Variants in TSNARE1 observed in about 807,000 individuals in gnomAD.
TSNARE1 encodes t-SNARE domain-containing protein 1.
TSNARE1 carries 49 observed loss-of-function variants against 62.0 expected under a neutral mutation model. The observed-to-expected ratio is 0.79, with a 90% confidence interval of 0.63 to 1.00. The LOEUF (loss-of-function observed/expected upper bound fraction) is 1.00. Among genes scored for constraint, TSNARE1 ranks in the 50% least tolerant of loss-of-function variants. The pLI, the probability that TSNARE1 is intolerant of heterozygous loss-of-function variation, is 0.00. For synonymous variants in TSNARE1, 328 were observed against 294.4 expected, an observed-to-expected ratio of 1.11 and a Z score of -1.17; for missense variants, 755 against 700.1, an observed-to-expected ratio of 1.08 and a Z score of -0.88.
At chr8:142,282,854 T>A (rs1266611160) in intron 11 of TSNARE1, among the ~76,000 whole-genome samples, 2 of 135,792 alleles carry the variant, frequency 1.5e-5, no homozygotes, top group South Asian at 2.5e-4. Flanking sequence ...GGCCAGTGTC[T>A]ATCAATGAGC....
chr8:142,312,983 T>C (rs148058682), intron 9 of TSNARE1, among the ~76,000 whole-genome samples: 68 of 152,362 alleles, frequency 4.5e-4, no homozygotes, highest in East Asian at 1.9e-4. Flanking sequence ...TGGATCCATG[T>C]GTGTCTGCAT....
intron 13 of TSNARE1, among the ~76,000 whole-genome samples, chr8:142,213,239 C>G (rs1009948092): frequency 4.8e-5 from 5 of 104,172 alleles, no homozygotes; most frequent in Admixed American, 1.1e-4. Flanking sequence ...CCGACTCTGC[C>G]CTCCCTCCCC....
intron 1 of TSNARE1, among the ~76,000 whole-genome samples, chr8:142,392,547 AT>A (rs1837605695): frequency 6.6e-6 from 1 of 152,090 alleles, no homozygotes; most frequent in South Asian, 2.1e-4. Flanking sequence ...GGTGACGGGA[AT>A]TTTTCGGCGC....
At position 142,287,095 on chromosome 8, in the gene TSNARE1, G is replaced by A. The variant is rs113457242; in HGVS notation, c.1291-2610C>T. On this transcript the variant is annotated intron_variant, in intron 10 of 13. Transcript: ENST00000524325. Reference sequence around the variant, plus strand: ...CCCAGGTCACTACCACCATCAACGCGGGGTGGCACCCAAGGCCACCCTCCA... The same window carrying A: ...CCCAGGTCACTACCACCATCAACGCAGGGTGGCACCCAAGGCCACCCTCCA... 9.3e-3 allele frequency among the ~76,000 whole-genome samples: 1,410 copies of A among 152,278 alleles called. 21 individuals carry two copies. The highest frequency in any genetic ancestry group is 0.015 in the Non-Finnish European group (1,029 of 67,998).
intron 9 of TSNARE1, among the ~76,000 whole-genome samples, chr8:142,305,311 G>A (rs1289998335): frequency 6.9e-6 from 1 of 144,264 alleles, no homozygotes; most frequent in Non-Finnish European, 1.5e-5. Flanking sequence ...CCTGCATGTG[G>A]AGAAGGGGAA....
In TSNARE1 at chr8:142,229,156, A is replaced by G. The variant is rs1036337910; in HGVS notation, c.*11+317T>C. On this transcript the variant is annotated intron_variant, in intron 13 of 13. Transcript: ENST00000524325. ...GGGTGGATAGATGGGTGGAAGGTGG[A>G]TGGATGAATGGAGGGTGGATGGATG... Among the ~76,000 whole-genome samples, 7 of 42,842 alleles carry G rather than the reference A, an allele frequency of 1.6e-4. No individual in the cohort carries two copies. In the East Asian group the frequency reaches 2.8e-3, roughly 17 times the overall value. The allele number at this position is 42,842 out of a possible 152,430, so 28.1% of individuals were successfully genotyped here. A position where few individuals can be genotyped will look rare whatever the true frequency, so the allele number is the denominator to read the frequency against.
intron 6 of TSNARE1, among the ~76,000 whole-genome samples, chr8:142,328,835 C>T (rs1179919459): frequency 1.3e-5 from 2 of 149,652 alleles, no homozygotes; most frequent in African/African-American, 2.5e-5. Context: ...GGGGAGGGTT[C>T]CGCACACAGG....
chr8:142,212,895 T>C (rs1264522657), intron 13 of TSNARE1, among the ~76,000 whole-genome samples: 2 of 90,218 alleles, frequency 2.2e-5, no homozygotes, highest in Admixed American at 1.2e-4. Context: ...CTTCCCTCTC[T>C]CCTGCCCGGT....
At chr8:142,236,354 G>A (rs549296061) in intron 12 of TSNARE1, among the ~76,000 whole-genome samples, 2 of 152,060 alleles carry the variant, frequency 1.3e-5, no homozygotes, top group East Asian at 3.9e-4. Flanking sequence ...AGGTGGGGCA[G>A]GAAGAGCCTG....
intron 4 of TSNARE1, among the ~76,000 whole-genome samples, chr8:142,336,444 A>G (rs1301745152): frequency 1.3e-5 from 2 of 152,212 alleles, no homozygotes; most frequent in Admixed American, 1.3e-4. Context: ...CTAATATCAG[A>G]GTAGAATTCA....
chr8:142,257,615 C>T (rs1818649120), intron 12 of TSNARE1, among the ~76,000 whole-genome samples: 1 of 152,150 alleles, frequency 6.6e-6, no homozygotes, highest in South Asian at 2.1e-4. Flanking sequence ...TGGGAGGAAG[C>T]AGTTTGGGAA....
intron 6 of TSNARE1, among the ~76,000 whole-genome samples, chr8:142,321,685 C>T (rs1379884709): frequency 6.6e-6 from 1 of 151,902 alleles, no homozygotes; most frequent in African/African-American, 2.4e-5. Context: ...CATATCAGGC[C>T]CATAAATTTG....
intron 9 of TSNARE1, among the ~76,000 whole-genome samples, chr8:142,301,053 C>A (rs1385472960): frequency 6.7e-6 from 1 of 148,332 alleles, no homozygotes; most frequent in African/African-American, 2.5e-5. Context: ...ACCCCACAGC[C>A]CTTCCTCCCC....
At chr8:142,355,022 C>T (rs1834613249) in intron 1 of TSNARE1, among the ~76,000 whole-genome samples, 2 of 152,188 alleles carry the variant, frequency 1.3e-5, no homozygotes, top group African/African-American at 2.4e-5. Context: ...GCCCCCTCCC[C>T]TCCCAAGAGG....
chr8:142,320,764 G>A (rs1829366938), intron 6 of TSNARE1, among the ~76,000 whole-genome samples: 1 of 152,248 alleles, frequency 6.6e-6, no homozygotes, highest in African/African-American at 2.4e-5. Context: ...CACCTGCCCA[G>A]ACAGCTCCCC....
At chr8:142,402,393 G>A (rs1267773779) in intron 1 of TSNARE1, among the ~76,000 whole-genome samples, 3 of 152,230 alleles carry the variant, frequency 2.0e-5, no homozygotes, top group African/African-American at 7.2e-5. Flanking sequence ...TTCACGTTAA[G>A]GACAATGTAA....
intron 9 of TSNARE1, among the ~76,000 whole-genome samples, chr8:142,313,995 T>C (rs769605308): frequency 6.6e-6 from 1 of 152,216 alleles, no homozygotes; most frequent in Non-Finnish European, 1.5e-5. Flanking sequence ...GCCAGGCTGA[T>C]CTTGAACCCC....
chr8:142,304,293 G>A (rs933851872), intron 9 of TSNARE1, among the ~76,000 whole-genome samples: 4 of 148,980 alleles, frequency 2.7e-5, no homozygotes, highest in Admixed American at 1.3e-4. Flanking sequence ...TCCTTCCTAC[G>A]GCTCCAGCCC....
chr8:142,322,873 C>T (rs73370320), intron 6 of TSNARE1, among the ~76,000 whole-genome samples: 3,406 of 146,614 alleles, frequency 0.023, 128 homozygotes, highest in African/African-American at 0.081. Flanking sequence ...GGGCTGATGA[C>T]GATATTGTTA....
Sources: allele counts gnomAD v4.1 joint callset (sites outside exome capture counted in the v4.1 genomes callset), GRCh38; gene constraint gnomAD v4.1.1; transcripts MANE v1.5; gene names NCBI Gene and HGNC (gene_info 2026-07-23, HGNC 2026-07-21).